The following XRCC4 variants were observed in gnomAD, a reference collection of about 807,000 sequenced individuals.
The protein encoded by XRCC4 is DNA repair protein XRCC4.
A neutral mutation model predicts 39.1 loss-of-function variants in XRCC4; 28 were observed. The observed-to-expected ratio is 0.72, with a 90% CI of 0.53 to 0.98. The LOEUF is 0.98. Among genes scored for constraint, XRCC4 ranks in the 50% least tolerant of loss-of-function variants. The pLI is 0.00. For synonymous variants in XRCC4, 123 were observed against 126.4 expected (o/e 0.97, Z 0.18); for missense variants, 350 against 376.4 (o/e 0.93, Z 0.58).
At chr5:83,167,645 A>G (rs948964161) in intron 3 of XRCC4, among the ~76,000 whole-genome samples, 1 of 152,178 alleles carries the variant, frequency 6.6e-6, no homozygotes, top group African/African-American at 2.4e-5. Flanking sequence ...GAGGAGGAGG[A>G]GATGCACTTC....
At chr5:83,251,359 A>T (rs1753302989) in intron 6 of XRCC4, among the ~76,000 whole-genome samples, 1 of 151,936 alleles carries the variant, frequency 6.6e-6, no homozygotes, top group Admixed American at 6.6e-5. Flanking sequence ...CCCCGTCTCT[A>T]CTAAAAATAC....
At chr5:83,111,312 C>A in intron 3 of XRCC4, 109 bp downstream of exon 3, 1 of 852,724 alleles carries the variant, frequency 1.2e-6, no homozygotes, top group South Asian at 3.2e-5. Flanking sequence ...ACCTCAGAAG[C>A]AAAAGCTTGA....
At chr5:83,087,744 A>T (rs1485567724) in intron 1 of XRCC4, among the ~76,000 whole-genome samples, 1 of 152,148 alleles carries the variant, frequency 6.6e-6, no homozygotes, top group Non-Finnish European at 1.5e-5. Flanking sequence ...ATACACAAAA[A>T]AATTAATACA....
intron 7 of XRCC4, among the ~76,000 whole-genome samples, chr5:83,279,406 C>T (rs1754458511): frequency 6.6e-6 from 1 of 152,076 alleles, no homozygotes; most frequent in African/African-American, 2.4e-5. Flanking sequence ...ACTGAATTAT[C>T]TACTACTCAC....
intron 3 of XRCC4, among the ~76,000 whole-genome samples, chr5:83,164,973 TTAAA>T (rs140344206): frequency 0.015 from 2,218 of 152,106 alleles, 63 homozygotes; most frequent in African/African-American, 0.051. Flanking sequence ...TTATTTTATT[TTAAA>T]TAAAATATTT....
chr5:83,184,696 T>C (rs1251570640), intron 3 of XRCC4, among the ~76,000 whole-genome samples: 2 of 152,188 alleles, frequency 1.3e-5, no homozygotes, highest in African/African-American at 2.4e-5. Flanking sequence ...GCTTACTCAC[T>C]GTTTCTATGA....
intron 3 of XRCC4, among the ~76,000 whole-genome samples, chr5:83,140,825 G>A (rs915543786): frequency 1.3e-5 from 2 of 151,806 alleles, no homozygotes; most frequent in Non-Finnish European, 2.9e-5. Flanking sequence ...TTACTTTTGG[G>A]TATGTGAACA....
chr5:83,362,235 A>C, the XRCC4 span, among the ~76,000 whole-genome samples: 1 of 150,212 alleles, frequency 6.7e-6, no homozygotes, highest in African/African-American at 2.4e-5. Flanking sequence ...ATTTGTGATT[A>C]AAGTATAAGA....
chr5:83,353,060 CT>C, intron 7 of XRCC4, 70 bp from the exon 8 acceptor site: 3 of 1,238,342 alleles, frequency 2.4e-6, no homozygotes, highest in Admixed American at 2.4e-5. Flanking sequence ...TTATGTGTCT[CT>C]TCATTTTCTT....
At chr5:83,155,410 A>T (rs1449094470) in intron 3 of XRCC4, among the ~76,000 whole-genome samples, 1 of 152,216 alleles carries the variant, frequency 6.6e-6, no homozygotes, top group Non-Finnish European at 1.5e-5. Context: ...AGTCAACTGC[A>T]TATAGTATTT....
intron 3 of XRCC4, among the ~76,000 whole-genome samples, chr5:83,115,475 G>T (rs1746668064): frequency 6.6e-6 from 1 of 152,102 alleles, no homozygotes; most frequent in Admixed American, 6.5e-5. Flanking sequence ...AGATTTGGGT[G>T]GGGACACAGC....
intron 6 of XRCC4, among the ~76,000 whole-genome samples, chr5:83,213,897 A>G (rs1166051519): frequency 6.6e-6 from 1 of 152,226 alleles, no homozygotes; most frequent in Non-Finnish European, 1.5e-5. Flanking sequence ...TTATGTAAAG[A>G]TACTTTTGCA....
chr5:83,127,429 T>C (rs981789481), intron 3 of XRCC4, among the ~76,000 whole-genome samples: 5 of 152,082 alleles, frequency 3.3e-5, no homozygotes, highest in Admixed American at 6.6e-5. Flanking sequence ...TATAAGGTGA[T>C]ACCCTTTTCA....
chr5:83,178,029 T>C (rs916518627), intron 3 of XRCC4, among the ~76,000 whole-genome samples: 1 of 151,470 alleles, frequency 6.6e-6, no homozygotes, highest in African/African-American at 2.4e-5. Context: ...GGGGACAGAG[T>C]GGAGAGCTAT....
At chr5:83,315,998 A>T (rs1755867851) in intron 7 of XRCC4, among the ~76,000 whole-genome samples, 1 of 152,208 alleles carries the variant, frequency 6.6e-6, no homozygotes. Context: ...TGTTCTGGAA[A>T]GGAGTCACTG....
At chr5:83,290,652 C>A (rs1202129557) in intron 7 of XRCC4, among the ~76,000 whole-genome samples, 1 of 151,734 alleles carries the variant, frequency 6.6e-6, no homozygotes, top group East Asian at 1.9e-4. Flanking sequence ...ATTCTGACTT[C>A]TTGTTTAAGA....
intron 7 of XRCC4, among the ~76,000 whole-genome samples, chr5:83,263,495 C>T (rs1157073510): frequency 2.7e-5 from 4 of 150,558 alleles, no homozygotes; most frequent in African/African-American, 7.3e-5. Flanking sequence ...TCCACATCCT[C>T]TCCAGCACCT....
At chr5:83,325,232 A>G (rs1424869426) in intron 7 of XRCC4, among the ~76,000 whole-genome samples, 2 of 151,966 alleles carry the variant, frequency 1.3e-5, no homozygotes, top group Admixed American at 1.3e-4. Flanking sequence ...CTTATAGGCA[A>G]TTTTCTTCCA....
intron 3 of XRCC4, among the ~76,000 whole-genome samples, chr5:83,173,494 C>G (rs1274383345): frequency 6.6e-6 from 1 of 152,028 alleles, no homozygotes; most frequent in Non-Finnish European, 1.5e-5. Flanking sequence ...GGGAACTGTT[C>G]CAGATATTCA....
Sources: allele counts gnomAD v4.1 joint callset (sites outside exome capture counted in the v4.1 genomes callset), GRCh38; gene constraint gnomAD v4.1.1; transcripts MANE v1.5; gene names NCBI Gene and HGNC (gene_info 2026-07-23, HGNC 2026-07-21).